The following RBM6 variants were observed in gnomAD, a reference collection of about 807,000 sequenced individuals.
RBM6 encodes RNA-binding protein 6.
RBM6 carries 23 observed loss-of-function variants against 140.4 expected under a neutral mutation model. The ratio of observed to expected loss-of-function variants is 0.16; its 90% confidence interval spans 0.12 to 0.23. The LOEUF (loss-of-function observed/expected upper bound fraction) is 0.23, where lower values mean the gene tolerates loss of function less well. RBM6 is among the 10% of genes least tolerant of loss of function. The pLI is 1.00. For synonymous variants in RBM6, 439 were observed against 475.6 expected (o/e 0.92, Z 1.00); for missense variants, 1,139 against 1,386.7 (o/e 0.82, Z 2.84).
In RBM6 at chr3:49,975,389, A is replaced by G; in HGVS notation, c.1480A>G (p.Thr494Ala). Residue 494 changes from threonine (T) to alanine (A), a missense_variant, in exon 5 of 21, where the codon ACA becomes GCA. Coordinates refer to ENST00000266022, the MANE Select transcript of RBM6 (RefSeq NM_005777.3). ...GAACTTGCAGTTGAAGGAGTATAAC[A>G]CAGGTGAGTTTCTTGACTTGCATAT... ...VKNLQLKEYN[T>A]GYDYGYVCVE... 1.2e-6 allele frequency: 2 copies of G among 1,611,872 alleles called. No homozygotes were observed. The highest frequency in any genetic ancestry group is 2.7e-5 in the African/African-American group (2 of 75,008).
intron 4 of RBM6, among the ~76,000 whole-genome samples, chr3:49,974,670 C>A (rs2084978506): frequency 2.4e-5 from 3 of 124,358 alleles, no homozygotes; most frequent in South Asian, 2.6e-4. Context: ...CCGTGCCCGG[C>A]CAATTTTTTT....
In RBM6 at chr3:50,010,420, A is replaced by G. The variant is rs551283947; in HGVS notation, c.1557+10907A>G. On this transcript the variant is annotated intron_variant, in intron 6 of 20. Coordinates refer to ENST00000266022, the MANE Select transcript of RBM6 (RefSeq NM_005777.3). Reference sequence around the variant, plus strand: ...GGGGGGTGGCAGGAGAGGATAGAGAATGATAACTGATTGATACAGGGTCTC... The same window carrying G: ...GGGGGGTGGCAGGAGAGGATAGAGAGTGATAACTGATTGATACAGGGTCTC... Among the ~76,000 whole-genome samples, 3 of 152,198 alleles carry G rather than the reference A, an allele frequency of 2.0e-5. No homozygotes were observed. The East Asian group carries it at 5.8e-4, about 29-fold the overall frequency.
chr3:50,075,109 T>C (rs2090418191), intron 19 of RBM6, 92 bp from the exon 20 acceptor site: 3 of 1,445,492 alleles, frequency 2.1e-6, no homozygotes, highest in Non-Finnish European at 2.8e-6. Flanking sequence ...TAAGCTGAGT[T>C]CGAGCCATTG....
intron 7 of RBM6, among the ~76,000 whole-genome samples, chr3:50,049,970 C>T (rs1231000138): frequency 2.6e-5 from 4 of 151,704 alleles, no homozygotes; most frequent in Non-Finnish European, 4.4e-5. Flanking sequence ...CTATAGGTGC[C>T]ATCATGTCCA....
At chr3:49,983,148 C>T (rs1399805615) in intron 5 of RBM6, among the ~76,000 whole-genome samples, 1 of 152,174 alleles carries the variant, frequency 6.6e-6, no homozygotes, top group Non-Finnish European at 1.5e-5. Flanking sequence ...GCCAGCTGCC[C>T]TTTACATTTC....
chr3:50,014,696 A>G (rs1266118839), intron 6 of RBM6, among the ~76,000 whole-genome samples: 1 of 152,196 alleles, frequency 6.6e-6, no homozygotes, highest in Non-Finnish European at 1.5e-5. Flanking sequence ...TCTTAATACA[A>G]TATCACTTTG....
rs192960719 is a variant in RBM6 at position 49,943,457 on chromosome 3, C to T, written c.-67+3232C>T. Among the ~76,000 whole-genome samples, 17 of 152,092 alleles carry T rather than the reference C, an allele frequency of 1.1e-4. No individual in the cohort carries two copies. In the East Asian group the frequency reaches 2.1e-3, roughly 19 times the overall value. Reference sequence around the variant, plus strand: ...CTGGGACTACAGGCATGGGCTGCCACAACCAGCTAATTTTTTTGTTTAATT... The same window carrying T: ...CTGGGACTACAGGCATGGGCTGCCATAACCAGCTAATTTTTTTGTTTAATT... On this transcript the variant is annotated intron_variant, in intron 1 of 20. Transcript: ENST00000266022.
intron 4 of RBM6, among the ~76,000 whole-genome samples, chr3:49,974,672 AAT>A (rs1491406601): frequency 1.2e-5 from 1 of 85,784 alleles, no homozygotes; most frequent in African/African-American, 4.9e-5. Flanking sequence ...GTGCCCGGCC[AAT>A]TTTTTTTTTT....
chr3:49,973,333 A>G (rs992735077), intron 4 of RBM6, among the ~76,000 whole-genome samples: 1 of 151,920 alleles, frequency 6.6e-6, no homozygotes, highest in African/African-American at 2.4e-5. Context: ...ACTGAGGAAG[A>G]GGCATTCGAG....
At chr3:49,940,830 G>C (rs1233977872) in intron 1 of RBM6, 4 of 148,122 alleles carry the variant, frequency 2.7e-5, no homozygotes, top group Non-Finnish European at 6.0e-5. Context: ...GGTGTAAATA[G>C]ATGTTTTTCT....
chr3:50,029,362 C>A (rs2088015842), intron 6 of RBM6, among the ~76,000 whole-genome samples: 1 of 152,096 alleles, frequency 6.6e-6, no homozygotes, highest in Non-Finnish European at 1.5e-5. Context: ...AACAAAGAAT[C>A]TCTAGGATTT....
chr3:50,077,202 C>T lies in RBM6; in HGVS notation c.*69C>T. On this transcript the variant is annotated 3_prime_UTR_variant, in exon 21 of 21. Transcript: ENST00000266022. ...GTTTGTCTCTCCTTTTCTTTTGTTACTGTTCTTGCTGCTAGAACTTTTTTA... is the reference window on the plus strand; with the variant it reads ...GTTTGTCTCTCCTTTTCTTTTGTTATTGTTCTTGCTGCTAGAACTTTTTTA... The T allele has an allele frequency of 1.4e-6, 2 of 1,474,832 alleles. No homozygotes were observed. The highest frequency in any genetic ancestry group is 1.3e-5 in the South Asian group (1 of 76,090). 91.4% of individuals were successfully genotyped at this position (1,474,832 alleles called of 1,614,324 possible).
intron 6 of RBM6, among the ~76,000 whole-genome samples, chr3:50,029,685 A>T (rs1434529061): frequency 6.6e-6 from 1 of 152,130 alleles, no homozygotes; most frequent in East Asian, 1.9e-4. Context: ...GTGAGCCGAG[A>T]TCGTGCCACT....
At chr3:49,971,932 G>T (rs554329113) in intron 3 of RBM6, 127 bp from the exon 4 acceptor site, 24 of 678,030 alleles carry the variant, frequency 3.5e-5, no homozygotes, top group African/African-American at 3.3e-4. Flanking sequence ...AGAGAAAATT[G>T]TAATTTTTTA....
Position 49,967,718 on chromosome 3 carries a change from G to T in RBM6, c.293G>T (p.Gly98Val). The T allele has an allele frequency of 6.2e-7, 1 of 1,614,136 alleles. No individual in the cohort carries two copies. The change falls in exon 3 of 21, where the codon GGA (glycine) becomes GTA (valine). Residue 98 changes from glycine (G) to valine (V), a missense_variant. Physicochemically the swap from Gly to Val is moderately radical, Grantham distance 109 (BLOSUM62 -3). Around this residue, in one of 9 missense-constraint regions of RBM6, gnomAD observed 566 missense variants for 612.7 expected, o/e 0.92. Transcript: ENST00000266022. This position sits in a 1 kb window ranked among gnomAD's most constrained non-coding sequence, Gnocchi z 4.0. ...GEGPGHDFRG[G>V]DFSSSDFQSR... Reference sequence around the variant, plus strand: ...GGACCTGGACATGATTTCAGGGGGGGAGATTTTTCGTCTTCTGATTTCCAG... The same window carrying T: ...GGACCTGGACATGATTTCAGGGGGGTAGATTTTTCGTCTTCTGATTTCCAG...
At chr3:49,986,773 CCTTCTCTTTTCTTCT>C (rs1472182301) in intron 5 of RBM6, among the ~76,000 whole-genome samples, 2 of 150,248 alleles carry the variant, frequency 1.3e-5, no homozygotes, top group Non-Finnish European at 1.5e-5. Flanking sequence ...CCTCCCCTCC[CCTTCTCTTTTCTTCT>C]CTTCTCTTTT....
chr3:49,967,194 G>C lies in RBM6; in HGVS notation c.45-276G>C, dbSNP rs2084551210. On this transcript the variant is annotated intron_variant, in intron 2 of 20. Coordinates refer to ENST00000266022, the MANE Select transcript of RBM6 (RefSeq NM_005777.3). The surrounding 1 kb of genome is among the most constrained non-coding windows in gnomAD (Gnocchi z 4.0). ...TTTGGTATTGCGGATTTTCCCTGTT[G>C]CAGGACTGGGTGAAAGCTTTTTCTG... 8.4e-7 allele frequency: 1 copy of C among 1,192,050 alleles called. No homozygotes were observed. Among genetic ancestry groups the C allele is most frequent in the African/African-American group, 1.5e-5 (1 of 65,224 alleles). 73.8% of individuals were successfully genotyped at this position (1,192,050 alleles called of 1,614,324 possible). A position where few individuals can be genotyped will look rare whatever the true frequency, so the allele number is the denominator to read the frequency against.
chr3:50,048,215 T>C, intron 6 of RBM6, 30 bp from the exon 7 acceptor site: 9 of 1,609,122 alleles, frequency 5.6e-6, no homozygotes, highest in Non-Finnish European at 5.1e-6. Context: ...CAAGGGTTGA[T>C]GTTGATGGCT....
chr3:50,059,083 C>A (rs2089835198), intron 10 of RBM6, among the ~76,000 whole-genome samples: 2 of 152,022 alleles, frequency 1.3e-5, no homozygotes, highest in South Asian at 4.1e-4. Flanking sequence ...TCATTTTTTT[C>A]TTGTGTCATT....
Sources: allele counts gnomAD v4.1 joint callset (sites outside exome capture counted in the v4.1 genomes callset), GRCh38; gene constraint gnomAD v4.1.1; regional missense constraint gnomAD v4.1.1; non-coding constraint Gnocchi (gnomAD v3.1); transcripts MANE v1.5; gene names NCBI Gene and HGNC (gene_info 2026-07-23, HGNC 2026-07-21).